The following TMEM108 variants were observed in gnomAD, a reference collection of about 807,000 sequenced individuals.
TMEM108 encodes transmembrane protein 108.
Under a neutral mutation model 35.1 loss-of-function variants are expected in TMEM108, and 12 were observed. The observed-to-expected ratio is 0.34, with a 90% confidence interval of 0.22 to 0.55. The LOEUF (loss-of-function observed/expected upper bound fraction) is 0.55. Among genes scored for constraint, TMEM108 ranks in the 20% least tolerant of loss-of-function variants. The pLI is 0.89. For synonymous variants in TMEM108, 287 were observed against 308.6 expected, an observed-to-expected ratio of 0.93 and a Z score of 0.73; for missense variants, 680 against 753.3, an observed-to-expected ratio of 0.90 and a Z score of 1.14.
At chr3:133,150,341 G>GTTTTTTTT (rs769195402) in intron 2 of TMEM108, among the ~76,000 whole-genome samples, 1 of 48,676 alleles carries the variant, frequency 2.1e-5, no homozygotes. Flanking sequence ...CAGGTTATTT[G>GTTTTTTTT]GTTTTTTTTT....
At chr3:133,240,778 G>T (rs568582289) in intron 3 of TMEM108, among the ~76,000 whole-genome samples, 4 of 152,190 alleles carry the variant, frequency 2.6e-5, no homozygotes, top group Non-Finnish European at 4.4e-5. Context: ...CTACCTTAGG[G>T]ATTGTTGTGA....
chr3:133,083,081 T>C, intron 2 of TMEM108, among the ~76,000 whole-genome samples: 1 of 152,164 alleles, frequency 6.6e-6, no homozygotes, highest in Admixed American at 6.5e-5. Context: ...GAGCCAGTGG[T>C]GCTGGGATTT....
intron 3 of TMEM108, among the ~76,000 whole-genome samples, chr3:133,290,174 G>A (rs1481279924): frequency 6.6e-6 from 1 of 152,172 alleles, no homozygotes; most frequent in Non-Finnish European, 1.5e-5. Flanking sequence ...GGGCAGGGAG[G>A]AGGTGAAATT....
chr3:133,098,622 A>C (rs556941766), intron 2 of TMEM108, among the ~76,000 whole-genome samples: 2 of 152,326 alleles, frequency 1.3e-5, no homozygotes, highest in African/African-American at 4.8e-5. Flanking sequence ...TACTTCCTAG[A>C]TACAATGGGG....
At chr3:133,374,510 GTGTA>G (rs1179253401) in intron 3 of TMEM108, among the ~76,000 whole-genome samples, 2 of 150,148 alleles carry the variant, frequency 1.3e-5, no homozygotes, top group African/African-American at 4.9e-5. Flanking sequence ...AAGAGAAAGT[GTGTA>G]TGTATATGTG....
intron 2 of TMEM108, among the ~76,000 whole-genome samples, chr3:133,087,044 A>G (rs1576311551): frequency 6.6e-6 from 1 of 152,320 alleles, no homozygotes; most frequent in African/African-American, 2.4e-5. Flanking sequence ...GGAACATTCA[A>G]CTTTAGGATC....
At chr3:133,259,288 T>C (rs1228870684) in intron 3 of TMEM108, among the ~76,000 whole-genome samples, 3 of 152,188 alleles carry the variant, frequency 2.0e-5, no homozygotes, top group Non-Finnish European at 4.4e-5. Context: ...GAAGGGTTTT[T>C]GGTGTTGTGA....
chr3:133,070,515 A>C (rs12493576), intron 2 of TMEM108, among the ~76,000 whole-genome samples: 60,679 of 151,902 alleles, frequency 0.4, 12,701 homozygotes, highest in Admixed American at 0.48. Context: ...CCCTAGTGCA[A>C]CCTATAAGCA....
chr3:133,132,957 A>G (rs575410989), intron 2 of TMEM108, among the ~76,000 whole-genome samples: 2 of 152,320 alleles, frequency 1.3e-5, no homozygotes, highest in African/African-American at 4.8e-5. Context: ...AATAGCAGGA[A>G]AACTGGAATT....
chr3:133,270,828 C>T (rs1006090910), intron 3 of TMEM108, among the ~76,000 whole-genome samples: 17 of 151,364 alleles, frequency 1.1e-4, no homozygotes, highest in Non-Finnish European at 2.9e-5. Flanking sequence ...CACTCACACA[C>T]TCACACACAC....
chr3:133,145,487 T>C (rs1270841020), intron 2 of TMEM108, among the ~76,000 whole-genome samples: 1 of 152,230 alleles, frequency 6.6e-6, no homozygotes, highest in African/African-American at 2.4e-5. Context: ...TAGTTTTTTT[T>C]CTAATTCTGT....
In TMEM108 at chr3:133,088,075, C is replaced by T. The variant is rs141990643; in HGVS notation, c.-47+42055C>T. On this transcript the variant is annotated intron_variant, in intron 2 of 5. Coordinates refer to ENST00000321871, the MANE Select transcript of TMEM108 (RefSeq NM_023943.4). Reference sequence around the variant, plus strand: ...TAGCGTGTTCTTTATCAGTGGGGGCCGAAACATTTTAGCCTGTTATAGGCC... The same window carrying T: ...TAGCGTGTTCTTTATCAGTGGGGGCTGAAACATTTTAGCCTGTTATAGGCC... Among the ~76,000 whole-genome samples the T allele has an allele frequency of 6.4e-4, 98 of 152,080 alleles. 1 individual carries two copies. The highest frequency in any genetic ancestry group is 1.9e-3 in the African/African-American group (78 of 41,464).
chr3:133,040,463 A>G (rs1431057196), intron 1 of TMEM108, among the ~76,000 whole-genome samples: 1 of 151,918 alleles, frequency 6.6e-6, no homozygotes, highest in Admixed American at 6.6e-5. Flanking sequence ...TCAGCCTCCC[A>G]AAGTGCTGGG....
At chr3:133,234,648 T>A (rs1043911458) in intron 3 of TMEM108, among the ~76,000 whole-genome samples, 2 of 152,162 alleles carry the variant, frequency 1.3e-5, no homozygotes, top group Non-Finnish European at 2.9e-5. Context: ...AATATCATAC[T>A]GAATGGGCAA....
At chr3:133,385,466 A>G (rs1015691832) in intron 4 of TMEM108, among the ~76,000 whole-genome samples, 3 of 152,074 alleles carry the variant, frequency 2.0e-5, no homozygotes, top group Non-Finnish European at 4.4e-5. Flanking sequence ...TGGGTCAGAC[A>G]CTAAGCCCCC....
At chr3:133,361,441 G>A (rs1324191595) in intron 3 of TMEM108, among the ~76,000 whole-genome samples, 2 of 152,148 alleles carry the variant, frequency 1.3e-5, no homozygotes, top group South Asian at 2.1e-4. Context: ...ATGAGGTAGC[G>A]GAGGAGTTCC....
At chr3:133,386,385 G>A (rs1275375533) in intron 4 of TMEM108, 11 of 1,535,870 alleles carry the variant, frequency 7.2e-6, no homozygotes, top group Admixed American at 2.0e-5. Flanking sequence ...GAATCCTCAG[G>A]GGACCTGCAG....
chr3:133,109,959 A>G (rs754191278), intron 2 of TMEM108, among the ~76,000 whole-genome samples: 1 of 152,190 alleles, frequency 6.6e-6, no homozygotes, highest in Non-Finnish European at 1.5e-5. Context: ...TTTTCTTTTT[A>G]GGATTGGTAA....
At chr3:133,306,371 A>G (rs1315111373) in intron 3 of TMEM108, among the ~76,000 whole-genome samples, 1 of 151,884 alleles carries the variant, frequency 6.6e-6, no homozygotes, top group Non-Finnish European at 1.5e-5. Context: ...CCCTCCTTCA[A>G]TTTTTTTTAT....
Sources: allele counts gnomAD v4.1 joint callset (sites outside exome capture counted in the v4.1 genomes callset), GRCh38; gene constraint gnomAD v4.1.1; transcripts MANE v1.5; gene names NCBI Gene and HGNC (gene_info 2026-07-23, HGNC 2026-07-21).